The following ZFHX3 variants were observed in gnomAD, a reference collection of about 807,000 sequenced individuals.
ZFHX3 encodes zinc finger homeobox protein 3.
ZFHX3 carries 42 observed loss-of-function variants against 279.1 expected under a neutral mutation model. The ratio of observed to expected loss-of-function variants is 0.15; its 90% CI spans 0.12 to 0.19. ZFHX3 has a LOEUF of 0.19. Among genes scored for constraint, ZFHX3 ranks in the 10% least tolerant of loss-of-function variants. The probability of loss-of-function intolerance (pLI) is 1.00; values close to 1 mark genes in which losing one functional copy is unlikely to be tolerated. For synonymous variants in ZFHX3, 2,293 were observed against 1,957.8 expected, an observed-to-expected ratio of 1.17 and a Z score of -4.52; for missense variants, 4,981 against 4,754.0, an observed-to-expected ratio of 1.05 and a Z score of -1.40.
chr16:73,611,230 T>C (rs1479404250), intron 2 of ZFHX3, among the ~76,000 whole-genome samples: 1 of 152,150 alleles, frequency 6.6e-6, no homozygotes, highest in Non-Finnish European at 1.5e-5. Flanking sequence ...CATTTATTCA[T>C]TCAACAAACC....
intron 4 of ZFHX3, among the ~76,000 whole-genome samples, chr16:72,834,462 T>G (rs1225642477): frequency 6.6e-6 from 1 of 152,222 alleles, no homozygotes; most frequent in Non-Finnish European, 1.5e-5. Flanking sequence ...AAGGGGATGA[T>G]ACCCCAGTCC....
At chr16:73,450,290 T>A (rs2018261979) in intron 3 of ZFHX3, among the ~76,000 whole-genome samples, 1 of 152,250 alleles carries the variant, frequency 6.6e-6, no homozygotes, top group Non-Finnish European at 1.5e-5. Context: ...TTATTCTCTG[T>A]ATCTGTCTCA....
intron 2 of ZFHX3, among the ~76,000 whole-genome samples, chr16:73,667,526 G>A (rs1180455296): frequency 6.6e-6 from 1 of 152,106 alleles, no homozygotes; most frequent in Non-Finnish European, 1.5e-5. Context: ...GTACCATTTT[G>A]TATTCCACCA....
chr16:73,686,911 C>T (rs1255178914), intron 1 of ZFHX3, among the ~76,000 whole-genome samples: 1 of 150,152 alleles, frequency 6.7e-6, no homozygotes, highest in East Asian at 2.0e-4. Context: ...ACCACCCTTG[C>T]CAGAATGGAA....
chr16:73,105,092 T>C (rs1966278547), intron 7 of ZFHX3, among the ~76,000 whole-genome samples: 5 of 152,074 alleles, frequency 3.3e-5, no homozygotes, highest in Admixed American at 3.3e-4. Flanking sequence ...CCTTGGCCAC[T>C]GCTTTCTTTA....
At chr16:72,845,459 T>A (rs2143808988) in intron 4 of ZFHX3, among the ~76,000 whole-genome samples, 1 of 152,256 alleles carries the variant, frequency 6.6e-6, no homozygotes, top group South Asian at 2.1e-4. Flanking sequence ...ACCTGCCCGC[T>A]GGGCTGGCAG....
At chr16:73,563,869 A>G (rs1416700989) in intron 2 of ZFHX3, among the ~76,000 whole-genome samples, 1 of 152,224 alleles carries the variant, frequency 6.6e-6, no homozygotes, top group Non-Finnish European at 1.5e-5. Flanking sequence ...TCTAGGTGGG[A>G]AGGCAAAACA....
At chr16:72,933,977 C>G (rs1244109315) in intron 3 of ZFHX3, among the ~76,000 whole-genome samples, 1 of 151,972 alleles carries the variant, frequency 6.6e-6, no homozygotes, top group Non-Finnish European at 1.5e-5. Flanking sequence ...CTCCACCACG[C>G]CCAGCTAATT....
At chr16:73,384,695 G>C (rs1209785110) in intron 3 of ZFHX3, among the ~76,000 whole-genome samples, 2 of 152,158 alleles carry the variant, frequency 1.3e-5, no homozygotes, top group African/African-American at 4.8e-5. Context: ...ATACACCAAG[G>C]AAGAGACTGG....
chr16:72,881,525 G>A (rs975132082), intron 4 of ZFHX3, among the ~76,000 whole-genome samples: 2 of 152,162 alleles, frequency 1.3e-5, no homozygotes, highest in African/African-American at 4.8e-5. Flanking sequence ...TTCCTCCCTG[G>A]CCCCTACCAA....
intron 1 of ZFHX3, among the ~76,000 whole-genome samples, chr16:73,810,779 T>A (rs1476457150): frequency 6.6e-6 from 1 of 152,178 alleles, no homozygotes; most frequent in Non-Finnish European, 1.5e-5. Flanking sequence ...AATAGCTGTA[T>A]GGTCTTGAGT....
At chr16:72,988,055 CAAT>C (rs969116482) in intron 1 of ZFHX3, among the ~76,000 whole-genome samples, 2 of 152,206 alleles carry the variant, frequency 1.3e-5, no homozygotes, top group African/African-American at 4.8e-5. Flanking sequence ...GTCCTCCCAA[CAAT>C]AACTTCAGCA....
chr16:73,096,398 C>T (rs1449702868), intron 7 of ZFHX3, among the ~76,000 whole-genome samples: 3 of 150,406 alleles, frequency 2.0e-5, no homozygotes, highest in African/African-American at 7.4e-5. Flanking sequence ...TAGCTGAAGC[C>T]GAACTTCTTT....
chr16:73,729,554 C>CA (rs374957755), intron 1 of ZFHX3, among the ~76,000 whole-genome samples: 125 of 55,084 alleles, frequency 2.3e-3, no homozygotes, highest in East Asian at 0.01. Context: ...ACAAACAAAC[C>CA]AAAAAAAAAA....
chr16:72,810,183 C>CT (rs1457243792), intron 7 of ZFHX3, among the ~76,000 whole-genome samples: 1 of 148,936 alleles, frequency 6.7e-6, no homozygotes, highest in Non-Finnish European at 1.5e-5. Context: ...CGTGCCCAGC[C>CT]TTTTTTTTCT....
chr16:73,861,671 CT>C (rs1427470891), intron 1 of ZFHX3, among the ~76,000 whole-genome samples: 2 of 152,158 alleles, frequency 1.3e-5, no homozygotes, highest in Admixed American at 1.3e-4. Flanking sequence ...ATTGCCGTGA[CT>C]CAGAGAAGCA....
At chr16:73,535,858 G>T (rs894484547) in intron 2 of ZFHX3, among the ~76,000 whole-genome samples, 4 of 151,730 alleles carry the variant, frequency 2.6e-5, no homozygotes, top group African/African-American at 9.7e-5. Flanking sequence ...GAGCAGCTGG[G>T]ACTACAGGCG....
chr16:72,823,410 G>T (rs2036849213), intron 5 of ZFHX3, among the ~76,000 whole-genome samples: 2 of 152,212 alleles, frequency 1.3e-5, no homozygotes, highest in Non-Finnish European at 2.9e-5. Flanking sequence ...GTTGGGATAT[G>T]AGTGGCCACT....
intron 3 of ZFHX3, among the ~76,000 whole-genome samples, chr16:73,393,967 T>TATATATC (rs533321739): frequency 0.017 from 2,534 of 148,064 alleles, 76 homozygotes; most frequent in African/African-American, 0.059. Context: ...TTATAAAGTA[T>TATATATC]ATATATCATA....
Sources: allele counts gnomAD v4.1 joint callset (sites outside exome capture counted in the v4.1 genomes callset), GRCh38; gene constraint gnomAD v4.1.1; transcripts MANE v1.5; gene names NCBI Gene and HGNC (gene_info 2026-07-23, HGNC 2026-07-21).